Variants in ATXN7L1 observed in about 807,000 individuals in gnomAD.
The protein encoded by ATXN7L1 is ataxin-7-like protein 1.
A neutral mutation model predicts 70.8 loss-of-function variants in ATXN7L1; 15 were observed. The observed-to-expected ratio is 0.21, with a 90% CI of 0.14 to 0.33. ATXN7L1 has a LOEUF of 0.33. Among genes scored for constraint, ATXN7L1 ranks in the 10% least tolerant of loss-of-function variants. ATXN7L1 has a pLI of 1.00. For missense variants in ATXN7L1, 975 were observed against 1,097.1 expected (o/e 0.89, Z 1.57); for synonymous variants, 440 against 445.1 (o/e 0.99, Z 0.14).
intron 2 of ATXN7L1, among the ~76,000 whole-genome samples, chr7:105,843,663 G>A (rs1008251863): frequency 3.9e-5 from 6 of 152,234 alleles, no homozygotes; most frequent in African/African-American, 1.4e-4. Flanking sequence ...GTTACCCTAG[G>A]CATGGGTGTT....
At chr7:105,635,074 C>G (rs1797162497) in intron 7 of ATXN7L1, among the ~76,000 whole-genome samples, 1 of 152,200 alleles carries the variant, frequency 6.6e-6, no homozygotes, top group Non-Finnish European at 1.5e-5. Flanking sequence ...CCTCGTCAGT[C>G]TAAGATTAGC....
chr7:105,745,368 C>T (rs1693067929), intron 3 of ATXN7L1, among the ~76,000 whole-genome samples: 1 of 152,190 alleles, frequency 6.6e-6, no homozygotes, highest in South Asian at 2.1e-4. Context: ...CAATTGATTA[C>T]ACTCTTTCCT....
At chr7:105,790,606 T>TTATC (rs55703123) in intron 2 of ATXN7L1, among the ~76,000 whole-genome samples, 12,534 of 133,688 alleles carry the variant, frequency 0.094, 719 homozygotes, top group East Asian at 0.15. Flanking sequence ...AAGAAAAAAA[T>TTATC]TATCTATCTA....
At chr7:105,731,083 G>A in intron 3 of ATXN7L1, among the ~76,000 whole-genome samples, 1 of 152,182 alleles carries the variant, frequency 6.6e-6, no homozygotes, top group Non-Finnish European at 1.5e-5. Flanking sequence ...CTGACCTCAT[G>A]TGATGGGTCA....
At chr7:105,871,599 A>G (rs929624129) in intron 2 of ATXN7L1, among the ~76,000 whole-genome samples, 1 of 152,034 alleles carries the variant, frequency 6.6e-6, no homozygotes, top group Non-Finnish European at 1.5e-5. Context: ...ACTCCCAGCT[A>G]CTTGGGAGGC....
At chr7:105,838,048 TC>T (rs982351167) in intron 2 of ATXN7L1, among the ~76,000 whole-genome samples, 6 of 152,206 alleles carry the variant, frequency 3.9e-5, no homozygotes, top group Admixed American at 1.3e-4. Context: ...AAGGAATGCT[TC>T]CCATTTGCAA....
At chr7:105,677,228 C>T (rs988958438) in intron 3 of ATXN7L1, among the ~76,000 whole-genome samples, 5 of 152,314 alleles carry the variant, frequency 3.3e-5, no homozygotes, top group Non-Finnish European at 5.9e-5. Flanking sequence ...CTGGAAATGC[C>T]GACCAAACAT....
intron 3 of ATXN7L1, among the ~76,000 whole-genome samples, chr7:105,694,865 A>G (rs1045983137): frequency 3.3e-5 from 5 of 152,170 alleles, no homozygotes; most frequent in Non-Finnish European, 5.9e-5. Flanking sequence ...CTAAAAGCAC[A>G]ACCTCAGCCA....
At chr7:105,782,273 C>G (rs772829362) in intron 3 of ATXN7L1, among the ~76,000 whole-genome samples, 50 of 152,288 alleles carry the variant, frequency 3.3e-4, no homozygotes, top group South Asian at 8.3e-4. Flanking sequence ...ACTGGGACTC[C>G]CAAGGTAAGG....
At chr7:105,631,614 G>A (rs192877231) in intron 7 of ATXN7L1, among the ~76,000 whole-genome samples, 2 of 152,314 alleles carry the variant, frequency 1.3e-5, no homozygotes, top group African/African-American at 4.8e-5. Context: ...TCACAGGTGT[G>A]TGCCACCACA....
chr7:105,759,079 C>T (rs1230479039), intron 3 of ATXN7L1, among the ~76,000 whole-genome samples: 2 of 151,530 alleles, frequency 1.3e-5, no homozygotes, highest in Non-Finnish European at 2.9e-5. Flanking sequence ...CCAACTACTA[C>T]ACAGAAAATG....
At chr7:105,834,025 CATT>C (rs1458622271) in intron 2 of ATXN7L1, among the ~76,000 whole-genome samples, 6 of 152,128 alleles carry the variant, frequency 3.9e-5, no homozygotes, top group Non-Finnish European at 8.8e-5. Flanking sequence ...CCCATGTCAT[CATT>C]GTCTTTGTTT....
chr7:105,665,190 G>T lies in ATXN7L1; in HGVS notation c.454C>A (p.Leu152Ile). ...CTGCTGGCAGAGTGATGGCCGCTGA[G>T]ACAGGCTTTTGTTTTCACCTGTACT... is the stretch of plus-strand genomic sequence containing the variant. ...SLVQVKTKAC[L>I]SGHHSASSTS... The change falls in exon 4 of 12, where the codon CTC becomes ATC. Residue 152 changes from leucine to isoleucine, a missense_variant. Physicochemically the swap from Leu to Ile is conservative, Grantham distance 5. Coordinates refer to ENST00000419735, the MANE Select transcript of ATXN7L1 (RefSeq NM_020725.2). The T allele has an allele frequency of 6.4e-7, 1 of 1,551,692 alleles. No homozygotes were observed. The highest frequency in any genetic ancestry group is 8.7e-7 in the Non-Finnish European group (1 of 1,146,990).
intron 3 of ATXN7L1, chr7:105,788,372 C>T (rs879819736): frequency 1.2e-5 from 6 of 515,544 alleles, no homozygotes; most frequent in Admixed American, 3.2e-5. Context: ...TCCCATCGAC[C>T]GAGACAAGTT....
intron 3 of ATXN7L1, among the ~76,000 whole-genome samples, chr7:105,738,723 A>C (rs1216534093): frequency 1.3e-5 from 2 of 152,200 alleles, no homozygotes; most frequent in Admixed American, 1.3e-4. Context: ...TGTGCCTCTC[A>C]GCAGGCATGA....
At chr7:105,759,798 C>T (rs1800309802) in intron 3 of ATXN7L1, among the ~76,000 whole-genome samples, 1 of 152,114 alleles carries the variant, frequency 6.6e-6, no homozygotes, top group South Asian at 2.1e-4. Context: ...CTTGTCAGCA[C>T]CTGCTGGCAG....
intron 4 of ATXN7L1, among the ~76,000 whole-genome samples, chr7:105,648,268 T>A (rs1238614191): frequency 6.6e-6 from 1 of 152,142 alleles, no homozygotes; most frequent in East Asian, 1.9e-4. Flanking sequence ...CCCTGATACT[T>A]TTTTCTTTGG....
chr7:105,771,178 C>T (rs552311), intron 3 of ATXN7L1, among the ~76,000 whole-genome samples: 19,652 of 147,776 alleles, frequency 0.13, 1,543 homozygotes, highest in Admixed American at 0.19. Flanking sequence ...CCAGCCTGGG[C>T]GACAGAGCAA....
At chr7:105,795,403 A>G (rs1201164613) in intron 2 of ATXN7L1, among the ~76,000 whole-genome samples, 1 of 152,220 alleles carries the variant, frequency 6.6e-6, no homozygotes, top group African/African-American at 2.4e-5. Flanking sequence ...AGTTAAGGAA[A>G]AGGCAGGGTG....
Sources: gnomAD v4.1 joint callset for allele counts (sites outside exome capture counted in the v4.1 genomes callset) on GRCh38, gnomAD v4.1.1 for gene constraint, MANE v1.5 for transcripts, NCBI Gene and HGNC (gene_info 2026-07-23, HGNC 2026-07-21) for gene names.